The following KCNIP4 variants were observed in gnomAD, a reference collection of about 807,000 sequenced individuals.
KCNIP4 encodes potassium voltage-gated channel interacting protein 4.
Under a neutral mutation model 34.0 loss-of-function variants are expected in KCNIP4, and 12 were observed. That is an observed-to-expected ratio of 0.35 (90% CI 0.23 to 0.57). KCNIP4 has a LOEUF of 0.57. Ranked by LOEUF, KCNIP4 falls within the 20% of genes least tolerant of loss-of-function variation. The pLI is 0.83. For missense variants in KCNIP4, 238 were observed against 311.7 expected (o/e 0.76, Z 1.78); for synonymous variants, 124 against 102.2 (o/e 1.21, Z -1.29).
intron 1 of KCNIP4, among the ~76,000 whole-genome samples, chr4:21,508,429 C>T (rs1268497930): frequency 6.6e-6 from 1 of 152,146 alleles, no homozygotes; most frequent in Non-Finnish European, 1.5e-5. Context: ...CACCTTTAAT[C>T]AGAAATGTCC....
chr4:21,547,805 G>A (rs1738259193), intron 1 of KCNIP4, among the ~76,000 whole-genome samples: 1 of 152,032 alleles, frequency 6.6e-6, no homozygotes, highest in Non-Finnish European at 1.5e-5. Flanking sequence ...TTGGGGATGA[G>A]TTCCAAGCCT....
At chr4:21,140,196 A>G (rs1751837267) in intron 1 of KCNIP4, among the ~76,000 whole-genome samples, 1 of 152,102 alleles carries the variant, frequency 6.6e-6, no homozygotes, top group African/African-American at 2.4e-5. Context: ...CTTTGAATCC[A>G]TGTTTTGCTG....
rs955878940 is a variant in KCNIP4, at chr4:20,760,056, A to G, written c.289-1166T>C. Among the ~76,000 whole-genome samples, 9 of 152,306 alleles carry G rather than the reference A, an allele frequency of 5.9e-5. No homozygotes were observed. In the East Asian group the frequency reaches 1.2e-3, roughly 20 times the overall value. On this transcript the variant is annotated intron_variant, in intron 3 of 8. Transcript: ENST00000382152. The stretch of plus-strand genomic sequence containing the variant: ...AAGCTGCAAATTCAGAGGGGCGACT[A>G]TATTTATTGACAAAAATCCACATAT...
At chr4:21,391,521 A>G (rs1035023445) in intron 1 of KCNIP4, among the ~76,000 whole-genome samples, 4 of 152,130 alleles carry the variant, frequency 2.6e-5, no homozygotes, top group Non-Finnish European at 4.4e-5. Context: ...CCCTAAATGC[A>G]CATCTTTGAT....
At chr4:21,622,165 G>A (rs1233273080) in intron 1 of KCNIP4, among the ~76,000 whole-genome samples, 1 of 152,130 alleles carries the variant, frequency 6.6e-6, no homozygotes, top group South Asian at 2.1e-4. Flanking sequence ...CTGTCACCAG[G>A]TAGCAACTAC....
intron 1 of KCNIP4, among the ~76,000 whole-genome samples, chr4:21,639,694 T>C (rs1746476870): frequency 2.0e-5 from 3 of 152,318 alleles, no homozygotes; most frequent in East Asian, 3.9e-4. Flanking sequence ...CCATTATAGA[T>C]AGATAGAAAA....
Position 21,919,727 on chromosome 4 carries a change from G to T in KCNIP4, c.61+28844C>A, listed in dbSNP as rs568412802. On this transcript the variant is annotated intron_variant, in intron 1 of 8. Coordinates refer to ENST00000382152, the MANE Select transcript of KCNIP4 (RefSeq NM_025221.6). ...AGACCTAAGGGTGAGAATATCAGGG[G>T]TGGAAAAGTTCTATACTCTGATAAA... Among the ~76,000 whole-genome samples, 8 of 152,214 alleles carry T rather than the reference G, an allele frequency of 5.3e-5. No homozygotes were observed. In the South Asian group the frequency reaches 1.7e-3, roughly 32 times the overall value.
intron 5 of KCNIP4, among the ~76,000 whole-genome samples, chr4:20,736,797 A>G (rs1469636514): frequency 1.3e-5 from 2 of 152,232 alleles, no homozygotes; most frequent in African/African-American, 4.8e-5. Flanking sequence ...GAAAAAGACA[A>G]AAACAGAAAT....
chr4:21,444,317 A>C lies in KCNIP4; in HGVS notation c.61+504254T>G, dbSNP rs1727768794. ...TGCTACCAAAGCCTGGCAGAGATAC[A>C]ACAAAAAAAGAGAATTTTAGACCAA... On this transcript the variant is annotated intron_variant, in intron 1 of 8. Coordinates refer to ENST00000382152, the MANE Select transcript of KCNIP4 (RefSeq NM_025221.6). Among the ~76,000 whole-genome samples, 3 of 152,220 alleles carry C rather than the reference A, an allele frequency of 2.0e-5. No individual in the cohort carries two copies. In the South Asian group the frequency reaches 6.2e-4, roughly 31 times the overall value.
At chr4:20,945,980 G>C (rs1732151329) in intron 1 of KCNIP4, among the ~76,000 whole-genome samples, 1 of 152,164 alleles carries the variant, frequency 6.6e-6, no homozygotes, top group African/African-American at 2.4e-5. Flanking sequence ...TGAGAGAAGA[G>C]AAAGAGGATA....
intron 1 of KCNIP4, among the ~76,000 whole-genome samples, chr4:21,061,967 C>T (rs73802443): frequency 0.022 from 3,302 of 152,194 alleles, 131 homozygotes; most frequent in African/African-American, 0.075. Flanking sequence ...AGAGAGAGCC[C>T]TCAGAAGAAA....
At chr4:21,925,547 T>C (rs984245455) in intron 1 of KCNIP4, among the ~76,000 whole-genome samples, 4 of 152,124 alleles carry the variant, frequency 2.6e-5, no homozygotes, top group Non-Finnish European at 4.4e-5. Flanking sequence ...TAAACAGATG[T>C]CATTTCTTTT....
chr4:21,298,838 G>A (rs374999254), intron 1 of KCNIP4, among the ~76,000 whole-genome samples: 37 of 152,230 alleles, frequency 2.4e-4, no homozygotes, highest in African/African-American at 4.1e-4. Flanking sequence ...CATAGAATGC[G>A]TCCAAGAAAG....
intron 1 of KCNIP4, among the ~76,000 whole-genome samples, chr4:21,684,057 A>G (rs894769332): frequency 3.3e-5 from 5 of 152,140 alleles, no homozygotes; most frequent in Non-Finnish European, 5.9e-5. Flanking sequence ...CTGAAATTCC[A>G]TAAAACAAAC....
chr4:21,474,182 C>T (rs1055794864), intron 1 of KCNIP4, among the ~76,000 whole-genome samples: 3 of 152,072 alleles, frequency 2.0e-5, no homozygotes, highest in African/African-American at 7.2e-5. Flanking sequence ...CTTTCATGAA[C>T]TCTATCAGTG....
chr4:21,120,522 T>A (rs1251341509), intron 1 of KCNIP4, among the ~76,000 whole-genome samples: 3 of 152,190 alleles, frequency 2.0e-5, no homozygotes, highest in Admixed American at 2.0e-4. Flanking sequence ...TGGGGAAGCT[T>A]CAGGCAACTT....
At chr4:21,316,432 C>CA (rs1432010067) in intron 1 of KCNIP4, 3 of 152,110 alleles carry the variant, frequency 2.0e-5, no homozygotes, top group Non-Finnish European at 4.4e-5. Context: ...AACCCTGCAA[C>CA]AAAAATCACC....
chr4:21,138,918 G>A (rs368484567), intron 1 of KCNIP4, among the ~76,000 whole-genome samples: 4 of 152,210 alleles, frequency 2.6e-5, no homozygotes, highest in East Asian at 1.9e-4. Flanking sequence ...AAAGAAACAC[G>A]GGCCTGCCAA....
chr4:21,542,535 C>T (rs1026126569), intron 1 of KCNIP4, among the ~76,000 whole-genome samples: 2 of 151,568 alleles, frequency 1.3e-5, no homozygotes, highest in East Asian at 1.9e-4. Flanking sequence ...ATGAAATTAC[C>T]TTTATTGATA....
Sources: allele counts gnomAD v4.1 joint callset (sites outside exome capture counted in the v4.1 genomes callset), GRCh38; gene constraint gnomAD v4.1.1; transcripts MANE v1.5; gene names NCBI Gene and HGNC (gene_info 2026-07-23, HGNC 2026-07-21).